Variants in GRIN2A observed in about 807,000 individuals in gnomAD.
GRIN2A encodes the protein glutamate receptor ionotropic, NMDA 2A.
GRIN2A carries 22 observed loss-of-function variants against 113.4 expected under a neutral mutation model. The ratio of observed to expected loss-of-function variants is 0.19; its 90% CI spans 0.14 to 0.28. GRIN2A has a LOEUF of 0.28. Ranked by LOEUF, GRIN2A falls within the 10% of genes least tolerant of loss-of-function variation. The pLI is 1.00. For missense variants in GRIN2A, 1,502 were observed against 1,887.0 expected, an observed-to-expected ratio of 0.80 and a Z score of 3.78; for synonymous variants, 827 against 738.4, an observed-to-expected ratio of 1.12 and a Z score of -1.94.
Position 9,840,832 on chromosome 16 carries a change from AAGAG to A in GRIN2A, c.1498-36_1498-33del, listed in dbSNP as rs111268758. The A allele has an allele frequency of 8.8e-5, 109 of 1,232,000 alleles. No individual in the cohort carries two copies. In the African/African-American group the frequency reaches 1.8e-3, roughly 20 times the overall value. 76.3% of individuals were successfully genotyped at this position (1,232,000 alleles called of 1,614,324 possible). A position where few individuals can be genotyped will look rare whatever the true frequency, so the allele number is the denominator to read the frequency against. ...GCAAGGCAAAAAAAAAAAAAAAAAA[AAGAG>A]AGAGAGAGAACAACAGTACTTTACT... On this transcript the variant is annotated intron_variant, in intron 6 of 12. Transcript: ENST00000330684.
At chr16:9,922,545 C>T (rs912696724) in intron 3 of GRIN2A, among the ~76,000 whole-genome samples, 1 of 152,074 alleles carries the variant, frequency 6.6e-6, no homozygotes, top group Non-Finnish European at 1.5e-5. Flanking sequence ...TTCTTCATGC[C>T]CTCATACCCA....
Position 9,761,645 on chromosome 16 carries a change from A to G in GRIN2A, c.*1504T>C, listed in dbSNP as rs1900586367. On this transcript the variant is annotated 3_prime_UTR_variant, in exon 13 of 13. Coordinates refer to ENST00000330684, the MANE Select transcript of GRIN2A (RefSeq NM_001134407.3). ...ACATAGCAACTATCTTGTCGGGGGC[A>G]CTTGTTTTTGTGGCAGGCACTGTGC... 8.7e-6 allele frequency: 2 copies of G among 228,954 alleles called. No individual in the cohort carries two copies. The highest frequency in any genetic ancestry group is 3.6e-4 in the South Asian group (2 of 5,490). 14.2% of individuals were successfully genotyped at this position (228,954 alleles called of 1,614,324 possible). A position where few individuals can be genotyped will look rare whatever the true frequency, so the allele number is the denominator to read the frequency against.
At chr16:10,091,823 C>T (rs1211745443) in intron 2 of GRIN2A, among the ~76,000 whole-genome samples, 1 of 152,076 alleles carries the variant, frequency 6.6e-6, no homozygotes, top group East Asian at 1.9e-4. Context: ...AAAGGAAAAT[C>T]TATAGAGACA....
intron 4 of GRIN2A, among the ~76,000 whole-genome samples, chr16:9,886,866 A>C (rs2043595815): frequency 6.6e-6 from 1 of 152,140 alleles, no homozygotes; most frequent in African/African-American, 2.4e-5. Context: ...TGTGCTGGGT[A>C]TCCCGATCTG....
intron 2 of GRIN2A, among the ~76,000 whole-genome samples, chr16:10,143,592 T>C (rs1333144855): frequency 2.6e-5 from 4 of 152,202 alleles, no homozygotes; most frequent in Non-Finnish European, 5.9e-5. Context: ...AAACTTTAAA[T>C]TAAAATGATA....
intron 2 of GRIN2A, among the ~76,000 whole-genome samples, chr16:9,969,610 C>A (rs996459236): frequency 6.6e-6 from 1 of 152,198 alleles, no homozygotes; most frequent in African/African-American, 2.4e-5. Context: ...CCCAAACTTA[C>A]TCAGTGATAC....
intron 2 of GRIN2A, among the ~76,000 whole-genome samples, chr16:10,126,130 C>T (rs1474294174): frequency 4.0e-5 from 6 of 151,548 alleles, no homozygotes; most frequent in Non-Finnish European, 8.8e-5. Flanking sequence ...CCATCAACAA[C>T]ATTTTTGTGT....
At chr16:9,809,915 A>C (rs1253186133) in intron 10 of GRIN2A, among the ~76,000 whole-genome samples, 1 of 152,088 alleles carries the variant, frequency 6.6e-6, no homozygotes, top group Non-Finnish European at 1.5e-5. Context: ...TAAAAGTACA[A>C]AAATTAGCTG....
At chr16:10,044,847 T>A (rs1365520388) in intron 2 of GRIN2A, among the ~76,000 whole-genome samples, 1 of 152,046 alleles carries the variant, frequency 6.6e-6, no homozygotes, top group Non-Finnish European at 1.5e-5. Flanking sequence ...CATTCTTATC[T>A]CTAACATAAA....
rs1374643651 is a variant in GRIN2A at position 10,182,046 on chromosome 16, C to G, written c.-188G>C. ...CCCCCACGGGGGGCGGCTATCCCAG[C>G]CGGAGGCTCTGCAGCAGGGCTCTAA... On this transcript the variant is annotated 5_prime_UTR_variant, in exon 1 of 13. Coordinates refer to ENST00000330684, the MANE Select transcript of GRIN2A (RefSeq NM_001134407.3). The G allele has an allele frequency of 6.6e-6, 1 of 152,656 alleles. No homozygotes were observed. The highest frequency in any genetic ancestry group is 2.4e-5 in the African/African-American group (1 of 41,470). 9.5% of individuals were successfully genotyped at this position (152,656 alleles called of 1,614,324 possible).
chr16:9,803,622 T>G (rs985859472), intron 10 of GRIN2A, among the ~76,000 whole-genome samples: 1 of 152,246 alleles, frequency 6.6e-6, no homozygotes, highest in African/African-American at 2.4e-5. Context: ...GAAATCCAGT[T>G]CTGCATACTT....
At chr16:10,009,287 T>G (rs1002861101) in intron 2 of GRIN2A, among the ~76,000 whole-genome samples, 5 of 152,182 alleles carry the variant, frequency 3.3e-5, no homozygotes, top group African/African-American at 1.2e-4. Flanking sequence ...CATGTGGGTA[T>G]TGCCTATTCA....
intron 2 of GRIN2A, among the ~76,000 whole-genome samples, chr16:10,035,851 G>C (rs541956192): frequency 1.3e-5 from 2 of 151,948 alleles, no homozygotes; most frequent in South Asian, 4.2e-4. Flanking sequence ...AGCCTTCCCA[G>C]TAGCTAGGAC....
chr16:9,940,170 T>C (rs913240961), intron 2 of GRIN2A, among the ~76,000 whole-genome samples: 1 of 152,132 alleles, frequency 6.6e-6, no homozygotes, highest in African/African-American at 2.4e-5. Flanking sequence ...TACATCACTT[T>C]CCCTGTGGGT....
intron 2 of GRIN2A, among the ~76,000 whole-genome samples, chr16:9,970,398 C>G (rs2045647515): frequency 6.6e-6 from 1 of 152,096 alleles, no homozygotes; most frequent in South Asian, 2.1e-4. Context: ...GAGTAGAGAC[C>G]AATGCAGGAA....
At chr16:10,071,381 C>G (rs889781554) in intron 2 of GRIN2A, among the ~76,000 whole-genome samples, 3 of 152,154 alleles carry the variant, frequency 2.0e-5, no homozygotes, top group African/African-American at 2.4e-5. Context: ...AGTCTGTACT[C>G]TTAAAACTGC....
chr16:10,055,736 T>C (rs1197205989), intron 2 of GRIN2A, among the ~76,000 whole-genome samples: 3 of 152,198 alleles, frequency 2.0e-5, no homozygotes, highest in African/African-American at 7.2e-5. Flanking sequence ...CAGAAACCAA[T>C]GTAGCCCAAA....
chr16:9,772,371 A>ATTTTG (rs1901326095), intron 11 of GRIN2A, among the ~76,000 whole-genome samples: 1 of 151,986 alleles, frequency 6.6e-6, no homozygotes, highest in South Asian at 2.1e-4. Context: ...CTTTGGAGGT[A>ATTTTG]TTTTGTTTTG....
intron 9 of GRIN2A, among the ~76,000 whole-genome samples, chr16:9,827,778 T>C (rs1354753854): frequency 6.6e-6 from 1 of 152,180 alleles, no homozygotes; most frequent in Non-Finnish European, 1.5e-5. Flanking sequence ...CAGTGTCCAG[T>C]ATACCATGCA....
Sources: gnomAD v4.1 joint callset for allele counts (sites outside exome capture counted in the v4.1 genomes callset) on GRCh38, gnomAD v4.1.1 for gene constraint, MANE v1.5 for transcripts, NCBI Gene and HGNC (gene_info 2026-07-23, HGNC 2026-07-21) for gene names.